CDH13: variants seen among roughly 807,000 people sequenced by gnomAD.
The protein encoded by CDH13 is cadherin-13.
Under a neutral mutation model 63.8 loss-of-function variants are expected in CDH13, and 24 were observed. The observed-to-expected ratio is 0.38, with a 90% confidence interval of 0.27 to 0.53. The LOEUF is 0.53. Ranked by LOEUF, CDH13 falls within the 20% of genes least tolerant of loss-of-function variation. The probability of loss-of-function intolerance (pLI) is 0.85; values close to 1 mark genes in which losing one functional copy is unlikely to be tolerated. For synonymous variants in CDH13, 503 were observed against 355.3 expected (o/e 1.42, Z -4.67); for missense variants, 1,049 against 903.1 (o/e 1.16, Z -2.07).
At chr16:83,153,456 G>C (rs766054028) in intron 4 of CDH13, among the ~76,000 whole-genome samples, 8 of 152,100 alleles carry the variant, frequency 5.3e-5, no homozygotes, top group Non-Finnish European at 7.3e-5. Context: ...TTCTAATCTT[G>C]TGGCTAATGT....
At chr16:83,127,687 A>G (rs1178081710) in intron 4 of CDH13, among the ~76,000 whole-genome samples, 1 of 152,204 alleles carries the variant, frequency 6.6e-6, no homozygotes, top group Non-Finnish European at 1.5e-5. Context: ...GGATCATGCC[A>G]GTGTACTCCA....
chr16:83,004,323 A>G (rs1913253537), intron 2 of CDH13, among the ~76,000 whole-genome samples: 1 of 152,206 alleles, frequency 6.6e-6, no homozygotes, highest in South Asian at 2.1e-4. Context: ...ACAAAACACT[A>G]TGCCAGCTCA....
intron 6 of CDH13, among the ~76,000 whole-genome samples, chr16:83,391,132 G>C (rs1366574043): frequency 3.3e-5 from 5 of 152,026 alleles, no homozygotes; most frequent in African/African-American, 1.2e-4. Flanking sequence ...AGGGGGTCCT[G>C]AGAGGCCAAT....
intron 1 of CDH13, among the ~76,000 whole-genome samples, chr16:82,677,832 T>A (rs1362152011): frequency 6.6e-6 from 1 of 152,200 alleles, no homozygotes; most frequent in Admixed American, 6.5e-5. Context: ...CAGTGGGTCC[T>A]GGTTAAGCCT....
chr16:83,604,312 T>G (rs1908126196), intron 8 of CDH13, among the ~76,000 whole-genome samples: 1 of 152,196 alleles, frequency 6.6e-6, no homozygotes, highest in Non-Finnish European at 1.5e-5. Flanking sequence ...TAATACAGAC[T>G]GCTCACTCTT....
intron 10 of CDH13, among the ~76,000 whole-genome samples, chr16:83,684,873 C>T (rs879558799): frequency 6.6e-6 from 1 of 151,984 alleles, no homozygotes; most frequent in East Asian, 1.9e-4. Context: ...TCAGAGCAGA[C>T]GGAAGTTGAT....
At chr16:83,537,059 C>T (rs2075205537) in intron 7 of CDH13, among the ~76,000 whole-genome samples, 1 of 152,168 alleles carries the variant, frequency 6.6e-6, no homozygotes, top group Non-Finnish European at 1.5e-5. Context: ...TTTTGAATGG[C>T]AGCTGTGGGG....
intron 1 of CDH13, among the ~76,000 whole-genome samples, chr16:82,670,564 A>G (rs1437683440): frequency 6.6e-6 from 1 of 152,192 alleles, no homozygotes; most frequent in African/African-American, 2.4e-5. Flanking sequence ...ACACGTACTG[A>G]GGACTATTGG....
At chr16:83,657,500 C>T (rs115983764) in intron 8 of CDH13, among the ~76,000 whole-genome samples, 24 of 152,318 alleles carry the variant, frequency 1.6e-4, no homozygotes, top group African/African-American at 5.3e-4. Context: ...CATCTATGCT[C>T]AGGATGACAG....
chr16:82,967,070 C>A (rs946039491), intron 2 of CDH13, among the ~76,000 whole-genome samples: 1 of 152,090 alleles, frequency 6.6e-6, no homozygotes, highest in African/African-American at 2.4e-5. Context: ...TTCTGTCTTT[C>A]GTGACCATGA....
intron 6 of CDH13, among the ~76,000 whole-genome samples, chr16:83,392,037 C>G (rs889184071): frequency 1.3e-5 from 2 of 152,136 alleles, no homozygotes; most frequent in African/African-American, 2.4e-5. Flanking sequence ...CTAATTGTCA[C>G]CTCCCACTAA....
chr16:83,080,858 G>GT (rs2033180727), intron 3 of CDH13, among the ~76,000 whole-genome samples: 3 of 58,462 alleles, frequency 5.1e-5, no homozygotes, highest in African/African-American at 2.0e-4. Flanking sequence ...ATAGAGTTTT[G>GT]TTTTGTTTTT....
chr16:83,549,517 C>T (rs2075451252), intron 7 of CDH13, among the ~76,000 whole-genome samples: 1 of 152,010 alleles, frequency 6.6e-6, no homozygotes, highest in Non-Finnish European at 1.5e-5. Flanking sequence ...CTTGTGCCCT[C>T]GAGGGTCCCC....
chr16:83,524,665 G>A (rs1438041826), intron 7 of CDH13, among the ~76,000 whole-genome samples: 2 of 151,912 alleles, frequency 1.3e-5, no homozygotes, highest in Non-Finnish European at 2.9e-5. Flanking sequence ...TGTTAGCCAG[G>A]ATGGTCTCGA....
intron 2 of CDH13, among the ~76,000 whole-genome samples, chr16:82,949,519 G>C (rs770187709): frequency 8.5e-4 from 129 of 152,234 alleles, no homozygotes; most frequent in Middle Eastern, 3.4e-3. Flanking sequence ...CCCCTAAATG[G>C]GGATCTCCTG....
At chr16:82,721,926 G>A (rs1429978492) in intron 1 of CDH13, among the ~76,000 whole-genome samples, 1 of 152,048 alleles carries the variant, frequency 6.6e-6, no homozygotes, top group Non-Finnish European at 1.5e-5. Context: ...AGGACCTGAT[G>A]TGCTTTCCTG....
At chr16:83,144,372 G>C (rs1319164928) in intron 4 of CDH13, among the ~76,000 whole-genome samples, 1 of 152,106 alleles carries the variant, frequency 6.6e-6, no homozygotes, top group Non-Finnish European at 1.5e-5. Flanking sequence ...AATTAGCTTT[G>C]CCCAAGCAGA....
intron 1 of CDH13, among the ~76,000 whole-genome samples, chr16:82,642,190 C>G (rs1268051312): frequency 1.3e-5 from 2 of 150,542 alleles, no homozygotes; most frequent in South Asian, 2.1e-4. Context: ...TGCTTGTTGG[C>G]TGATTTAATT....
chr16:83,036,619 C>T (rs1916882831), intron 3 of CDH13, among the ~76,000 whole-genome samples: 1 of 152,184 alleles, frequency 6.6e-6, no homozygotes, highest in Non-Finnish European at 1.5e-5. Flanking sequence ...TTTCCCTCTT[C>T]CCGTGGCTGA....
Sources: gnomAD v4.1 joint callset for allele counts (sites outside exome capture counted in the v4.1 genomes callset) on GRCh38, gnomAD v4.1.1 for gene constraint, MANE v1.5 for transcripts, NCBI Gene and HGNC (gene_info 2026-07-23, HGNC 2026-07-21) for gene names.